DLG2: variants seen among roughly 807,000 people sequenced by gnomAD.
DLG2 encodes the protein discs large MAGUK scaffold protein 2, also known as disks large homolog 2.
DLG2 carries 45 observed loss-of-function variants against 132.5 expected under a neutral mutation model. The ratio of observed to expected loss-of-function variants is 0.34; its 90% CI spans 0.27 to 0.44. The LOEUF is 0.44. Among genes scored for constraint, DLG2 ranks in the 20% least tolerant of loss-of-function variants. The pLI, the probability that DLG2 is intolerant of heterozygous loss-of-function variation, is 1.00. For synonymous variants in DLG2, 424 were observed against 419.6 expected (o/e 1.01, Z -0.13); for missense variants, 1,045 against 1,196.9 (o/e 0.87, Z 1.87).
At chr11:83,571,156 A>C (rs1242993592) in intron 19 of DLG2, among the ~76,000 whole-genome samples, 2 of 152,212 alleles carry the variant, frequency 1.3e-5, no homozygotes, top group Non-Finnish European at 2.9e-5. Context: ...TGCTGGGCTT[A>C]TAGGCGTGAG....
intron 5 of DLG2, among the ~76,000 whole-genome samples, chr11:85,118,917 T>C (rs1238441996): frequency 6.6e-6 from 1 of 151,660 alleles, no homozygotes; most frequent in Non-Finnish European, 1.5e-5. Flanking sequence ...AACATATATG[T>C]CTAGGGGCCT....
intron 4 of DLG2, among the ~76,000 whole-genome samples, chr11:85,243,087 C>A (rs1471476972): frequency 6.6e-6 from 1 of 151,932 alleles, no homozygotes; most frequent in Non-Finnish European, 1.5e-5. Flanking sequence ...CCGCTCATAG[C>A]CTAATGGACC....
rs141308241 is a variant in DLG2, at chr11:84,782,426, T to A, written c.358-247695A>T. On this transcript the variant is annotated intron_variant, in intron 6 of 27. Coordinates refer to ENST00000376104, the MANE Select transcript of DLG2 (RefSeq NM_001142699.3). Reference sequence around the variant, plus strand: ...TACATACACACATTCTCTTTCCCACTAACTACCCCTACCACACACACACAC... The same window carrying A: ...TACATACACACATTCTCTTTCCCACAAACTACCCCTACCACACACACACAC... Among the ~76,000 whole-genome samples, 338 of 145,272 alleles carry A rather than the reference T, an allele frequency of 2.3e-3. 3 individuals are homozygous for A. Among genetic ancestry groups the A allele is most frequent in the Admixed American group, 0.022 (312 of 14,296 alleles).
Position 84,103,180 on chromosome 11 carries a change from T to C in DLG2, c.625-4133A>G, listed in dbSNP as rs556181423. Among the ~76,000 whole-genome samples, 3 of 152,232 alleles carry C rather than the reference T, an allele frequency of 2.0e-5. No homozygotes were observed. In the South Asian group the frequency reaches 6.2e-4, roughly 32 times the overall value. On this transcript the variant is annotated intron_variant, in intron 9 of 27. Coordinates refer to ENST00000376104, the MANE Select transcript of DLG2 (RefSeq NM_001142699.3). ...GATTTAAAGAGCTTTCACCTCCCTT[T>C]ATTGTTCTCTTCCAGCCTTCCCTTT...
rs541478510 is a variant in DLG2, at chr11:84,264,125, G to A, written c.520-12834C>T. ...AACAGATAAAAAGGAGACGTGAATG[G>A]GGACTAGAAACATAGAGGTTCACTA... On this transcript the variant is annotated intron_variant, in intron 7 of 27. Transcript: ENST00000376104. 5.2e-4 allele frequency among the ~76,000 whole-genome samples: 79 copies of A among 152,260 alleles called. 1 individual carries two copies. In the South Asian group the frequency reaches 0.015, roughly 29 times the overall value.
intron 6 of DLG2, among the ~76,000 whole-genome samples, chr11:84,846,147 A>C (rs765870465): frequency 6.6e-6 from 1 of 152,046 alleles, no homozygotes; most frequent in Admixed American, 6.6e-5. Flanking sequence ...TAAATATCAT[A>C]CATATTCTTA....
intron 3 of DLG2, among the ~76,000 whole-genome samples, chr11:85,485,594 C>A (rs964482364): frequency 6.6e-6 from 1 of 152,122 alleles, no homozygotes; most frequent in Non-Finnish European, 1.5e-5. Context: ...GGGCAGCTCT[C>A]TTGGCTGGGG....
At chr11:85,503,460 G>A (rs1489521850) in intron 3 of DLG2, among the ~76,000 whole-genome samples, 1 of 152,028 alleles carries the variant, frequency 6.6e-6, no homozygotes, top group Non-Finnish European at 1.5e-5. Context: ...CAGGATGGGT[G>A]CTATGGTTTG....
chr11:83,462,347 G>C (rs1030571458), intron 26 of DLG2, among the ~76,000 whole-genome samples: 1 of 152,204 alleles, frequency 6.6e-6, no homozygotes, highest in Admixed American at 6.5e-5. Flanking sequence ...CTTATGATTT[G>C]TAGTCACTGG....
At chr11:84,737,740 C>T (rs1176802197) in intron 6 of DLG2, among the ~76,000 whole-genome samples, 1 of 151,904 alleles carries the variant, frequency 6.6e-6, no homozygotes, top group Non-Finnish European at 1.5e-5. Context: ...ACTAGAGAAA[C>T]AGCACTGGAA....
intron 7 of DLG2, among the ~76,000 whole-genome samples, chr11:84,406,207 T>G (rs2098848447): frequency 6.6e-6 from 1 of 152,096 alleles, no homozygotes; most frequent in African/African-American, 2.4e-5. Flanking sequence ...ATTCCTTAAC[T>G]TCATACCTAC....
chr11:84,221,291 C>T (rs1016571356), intron 8 of DLG2, among the ~76,000 whole-genome samples: 5 of 151,802 alleles, frequency 3.3e-5, no homozygotes, highest in Non-Finnish European at 5.9e-5. Flanking sequence ...TAGTGAAACC[C>T]CATCTATACT....
chr11:85,569,013 C>T (rs1226690790), intron 3 of DLG2, among the ~76,000 whole-genome samples: 1 of 151,784 alleles, frequency 6.6e-6, no homozygotes, highest in African/African-American at 2.4e-5. Flanking sequence ...TATTTGAGAT[C>T]ATTCTTCTTT....
rs11313794 is a variant in DLG2, at chr11:83,937,507, CAAA to C, written c.1341-7027_1341-7025del. Among the ~76,000 whole-genome samples, 208 of 73,786 alleles carry C rather than the reference CAAA, an allele frequency of 2.8e-3. 1 individual carries two copies. The highest frequency in any genetic ancestry group is 3.8e-3 in the Non-Finnish European group (136 of 36,044). The allele number at this position is 73,786 out of a possible 152,430, so 48.4% of individuals were successfully genotyped here. On this transcript the variant is annotated intron_variant, in intron 14 of 27. Transcript: ENST00000376104. ...TGGGCGAAAGAGTGAGACTCCATCT[CAAA>C]AAAAAAAAAAAAAAAAAAAATTGAA...
At chr11:83,927,044 A>G (rs1239715166) in intron 15 of DLG2, among the ~76,000 whole-genome samples, 2 of 152,188 alleles carry the variant, frequency 1.3e-5, no homozygotes, top group African/African-American at 4.8e-5. Context: ...ATTTGTTTCT[A>G]TGCATGGATT....
chr11:84,234,467 C>A (rs2097133862), intron 8 of DLG2, among the ~76,000 whole-genome samples: 2 of 152,244 alleles, frequency 1.3e-5, no homozygotes, highest in South Asian at 4.1e-4. Context: ...GGACTTTCAC[C>A]CCATGTGTCC....
At position 85,021,132 on chromosome 11, in the gene DLG2, T is replaced by G; in HGVS notation, c.357+90529A>C. The stretch of plus-strand genomic sequence containing the variant: ...CTGAAGAGTCATCTGCTTTCAACTT[T>G]CCAGACTTAGAAGATCCCCGCTGCC... On this transcript the variant is annotated intron_variant, in intron 6 of 27. Coordinates refer to ENST00000376104, the MANE Select transcript of DLG2 (RefSeq NM_001142699.3). 3 of 811,012 alleles carry G rather than the reference T, an allele frequency of 3.7e-6. No homozygotes were observed. In the South Asian group the frequency reaches 4.0e-5, roughly 11 times the overall value. The allele number at this position is 811,012 out of a possible 1,614,324, so 50.2% of individuals were successfully genotyped here. A position where few individuals can be genotyped will look rare whatever the true frequency, so the allele number is the denominator to read the frequency against.
At chr11:84,907,435 A>T (rs917267993) in intron 6 of DLG2, among the ~76,000 whole-genome samples, 1 of 152,148 alleles carries the variant, frequency 6.6e-6, no homozygotes, top group African/African-American at 2.4e-5. Flanking sequence ...AGTTTTCCCA[A>T]CAACAGTTCA....
chr11:85,053,163 CT>C (rs1334884597), intron 6 of DLG2, among the ~76,000 whole-genome samples: 1 of 152,210 alleles, frequency 6.6e-6, no homozygotes, highest in African/African-American at 2.4e-5. Context: ...AGTTTTCTCT[CT>C]GTAAATTGAC....
Sources: gnomAD v4.1 joint callset for allele counts (sites outside exome capture counted in the v4.1 genomes callset) on GRCh38, gnomAD v4.1.1 for gene constraint, MANE v1.5 for transcripts, NCBI Gene and HGNC (gene_info 2026-07-23, HGNC 2026-07-21) for gene names.